Variants in MCF2L observed in about 807,000 individuals in gnomAD.
The protein encoded by MCF2L is guanine nucleotide exchange factor DBS.
A neutral mutation model predicts 153.4 loss-of-function variants in MCF2L; 97 were observed. The observed-to-expected ratio is 0.63, with a 90% CI of 0.54 to 0.75. The LOEUF is 0.75. Ranked by LOEUF, MCF2L falls within the 30% of genes least tolerant of loss-of-function variation. The probability of loss-of-function intolerance (pLI) is 0.00; values close to 1 mark genes in which losing one functional copy is unlikely to be tolerated. For missense variants in MCF2L, 1,347 were observed against 1,495.2 expected (o/e 0.90, Z 1.64); for synonymous variants, 659 against 632.2 (o/e 1.04, Z -0.64).
At chr13:113,010,322 T>G (rs1178062236) in intron 1 of MCF2L, 2 of 152,204 alleles carry the variant, frequency 1.3e-5, no homozygotes, top group Non-Finnish European at 2.9e-5. Context: ...TGAGTCAACT[T>G]GCAAGAGGAA....
In MCF2L at chr13:112,993,845, T is replaced by C. The variant is rs556327368; in HGVS notation, c.80-20918T>C. On this transcript the variant is annotated intron_variant, in intron 1 of 29. Transcript: ENST00000535094. The surrounding 1 kb of genome is among the most constrained non-coding windows in gnomAD (Gnocchi z 4.6). ...GAGATCTGCCTCCAGTTAAGAGACGTGTTTGCCTCCTGGGTGGGTAGGATT... is the reference window on the plus strand; with the variant it reads ...GAGATCTGCCTCCAGTTAAGAGACGCGTTTGCCTCCTGGGTGGGTAGGATT... 6.6e-6 allele frequency among the ~76,000 whole-genome samples: 1 copy of C among 152,122 alleles called. No individual in the cohort carries two copies. The highest frequency in any genetic ancestry group is 1.9e-4 in the East Asian group (1 of 5,156).
intron 2 of MCF2L, chr13:112,909,164 G>A (rs2081203801): frequency 1.3e-6 from 1 of 773,836 alleles, no homozygotes; most frequent in East Asian, 2.4e-5. Flanking sequence ...GTTAAGTCCA[G>A]GACTGGCAAA....
intron 2 of MCF2L, among the ~76,000 whole-genome samples, chr13:112,963,516 CA>C (rs1439812486): frequency 6.6e-6 from 1 of 152,170 alleles, no homozygotes; most frequent in African/African-American, 2.4e-5. Flanking sequence ...CAAGGGCCCT[CA>C]GGGGGTCCCC....
chr13:112,988,696 T>C (rs1317246259), intron 1 of MCF2L, among the ~76,000 whole-genome samples: 12 of 93,008 alleles, frequency 1.3e-4, no homozygotes, highest in Admixed American at 3.6e-4. Flanking sequence ...GATGGAGCTA[T>C]GACACCGGAG....
intron 1 of MCF2L, among the ~76,000 whole-genome samples, chr13:112,978,640 G>A (rs1051471124): frequency 1.3e-5 from 2 of 152,196 alleles, no homozygotes; most frequent in Admixed American, 6.5e-5. Flanking sequence ...GTGGCAGGAC[G>A]GGTGTGCACT....
chr13:113,088,115 G>A (rs566962256), intron 23 of MCF2L, among the ~76,000 whole-genome samples: 6 of 152,338 alleles, frequency 3.9e-5, no homozygotes, highest in East Asian at 1.9e-4. Flanking sequence ...TGCCCTGGGT[G>A]CCAGGCACAG....
chr13:113,082,915 G>C (rs116768632), intron 17 of MCF2L, among the ~76,000 whole-genome samples: 30 of 152,224 alleles, frequency 2.0e-4, no homozygotes, highest in African/African-American at 7.0e-4. Flanking sequence ...GTGTGTATTC[G>C]GCCCTTTAGG....
chr13:113,064,932 C>T lies in MCF2L; in HGVS notation c.607-4C>T, dbSNP rs1252019126. 1 of 1,611,638 alleles carries T rather than the reference C, an allele frequency of 6.2e-7. No individual in the cohort carries two copies. Among genetic ancestry groups the T allele is most frequent in the Non-Finnish European group, 8.5e-7 (1 of 1,179,108 alleles). On this transcript the variant is annotated splice_region_variant and splice_polypyrimidine_tract_variant and intron_variant, in intron 6 of 29. Transcript: ENST00000535094. This position sits in a 1 kb window ranked among gnomAD's most constrained non-coding sequence, Gnocchi z 6.0. ...CATGCAATTGTGTTTTCTCTGTCCC[C>T]AAGGCCATCGAAAGTTTCGCCCTCA...
At chr13:113,096,692 C>T (rs1385272072) in intron 29 of MCF2L, 39 bp downstream of exon 29, 2 of 1,560,020 alleles carry the variant, frequency 1.3e-6, no homozygotes, top group African/African-American at 2.7e-5. Context: ...GTGACGCTGC[C>T]AAGGGCCCGG....
At chr13:113,059,948 C>A (rs1187011149) in intron 4 of MCF2L, among the ~76,000 whole-genome samples, 1 of 152,240 alleles carries the variant, frequency 6.6e-6, no homozygotes, top group Non-Finnish European at 1.5e-5. Flanking sequence ...GCCATGGTAA[C>A]AAAGTAACTA....
chr13:112,910,692 C>G (rs993573350), intron 2 of MCF2L: 3 of 152,252 alleles, frequency 2.0e-5, no homozygotes, highest in African/African-American at 7.2e-5. Flanking sequence ...ATAAATGCTT[C>G]TTAGAAAAGG....
intron 2 of MCF2L, among the ~76,000 whole-genome samples, chr13:112,918,338 C>A (rs181272569): frequency 6.6e-6 from 1 of 152,298 alleles, no homozygotes; most frequent in Admixed American, 6.5e-5. Flanking sequence ...TTTTGGGAAG[C>A]CAGCTTGGTG....
chr13:112,934,047 G>C (rs539967516), intron 2 of MCF2L, among the ~76,000 whole-genome samples: 9 of 152,204 alleles, frequency 5.9e-5, no homozygotes, highest in Non-Finnish European at 1.2e-4. Flanking sequence ...TCATTTATTT[G>C]CTCACTGGGT....
At chr13:112,995,099 C>T (rs553286922) in intron 1 of MCF2L, among the ~76,000 whole-genome samples, 1 of 152,348 alleles carries the variant, frequency 6.6e-6, no homozygotes, top group South Asian at 2.1e-4. Flanking sequence ...TCTGCCCCTC[C>T]CGTGTTCTCC....
In MCF2L at chr13:113,031,847, C is replaced by A. The variant is rs138501782; in HGVS notation, c.278+7089C>A. ...TACACATACAGATGCACACACGCAC[C>A]TACACAGGCTTGCACATGCCACACA... On this transcript the variant is annotated intron_variant, in intron 3 of 29. Transcript: ENST00000535094. This position sits in a 1 kb window ranked among gnomAD's most constrained non-coding sequence, Gnocchi z 5.5. Among the ~76,000 whole-genome samples the A allele has an allele frequency of 1.7e-4, 25 of 148,092 alleles. No homozygotes were observed. Among genetic ancestry groups the A allele is most frequent in the African/African-American group, 6.3e-4 (25 of 39,916 alleles).
In MCF2L at chr13:113,094,527, G is replaced by C; in HGVS notation, c.2967G>C (p.Thr989=). The change falls in exon 27 of 30, where the codon ACG becomes ACC. Residue 989 remains threonine (T), a synonymous_variant. Transcript: ENST00000535094. ...PPEKGKGWSK[T]SHSLEAPEDD... is the part of the protein sequence containing the mutation. ...TGTCTCTCTTAGGTTGGAGCAAAAC[G>C]TCCCACTCACTGGAGGCACCTGAGG... 1 of 1,611,870 alleles carries C rather than the reference G, an allele frequency of 6.2e-7. No homozygotes were observed.
intron 2 of MCF2L, chr13:112,909,336 T>C (rs12873277): frequency 0.066 from 51,599 of 779,278 alleles, 2,728 homozygotes; most frequent in East Asian, 0.24. Context: ...CCTTCACCTC[T>C]GTGTCTACAG....
intron 2 of MCF2L, among the ~76,000 whole-genome samples, chr13:112,948,184 G>A (rs1417097168): frequency 6.6e-6 from 1 of 152,138 alleles, no homozygotes; most frequent in Non-Finnish European, 1.5e-5. Context: ...AAATGCCCTT[G>A]GGGCCGTTAG....
rs2033267603 is a variant in MCF2L, at chr13:113,074,663, G to A, written c.1116+100G>A. The A allele has an allele frequency of 9.2e-6, 14 of 1,522,806 alleles. No homozygotes were observed. The highest frequency in any genetic ancestry group is 9.1e-5 in the Admixed American group (5 of 54,704). The allele number at this position is 1,522,806 out of a possible 1,614,324, so 94.3% of individuals were successfully genotyped here. On this transcript the variant is annotated intron_variant, in intron 10 of 29. Transcript: ENST00000535094. The surrounding 1 kb of genome is among the most constrained non-coding windows in gnomAD (Gnocchi z 4.2). ...AATGGGCCTCCCGCCTACGGAGAACGGACCCCACAGCCCCCCGGGGATGTC... is the reference window on the plus strand; with the variant it reads ...AATGGGCCTCCCGCCTACGGAGAACAGACCCCACAGCCCCCCGGGGATGTC...
Sources: gnomAD v4.1 joint callset for allele counts (sites outside exome capture counted in the v4.1 genomes callset) on GRCh38, gnomAD v4.1.1 for gene constraint, Gnocchi (gnomAD v3.1) non-coding constraint, MANE v1.5 for transcripts, NCBI Gene and HGNC (gene_info 2026-07-23, HGNC 2026-07-21) for gene names.